Variants in TMC7 observed in about 807,000 individuals in gnomAD.
TMC7 encodes the protein transmembrane channel-like protein 7.
In TMC7, 54 loss-of-function variants were observed where a neutral mutation model predicts 82.9. The observed-to-expected ratio is 0.65, with a 90% CI of 0.52 to 0.82. TMC7 has a LOEUF of 0.82. Ranked by LOEUF, TMC7 falls within the 40% of genes least tolerant of loss-of-function variation. TMC7 has a pLI of 0.00. For synonymous variants in TMC7, 350 were observed against 337.9 expected, an observed-to-expected ratio of 1.04 and a Z score of -0.39; for missense variants, 820 against 901.2, an observed-to-expected ratio of 0.91 and a Z score of 1.15.
chr16:19,000,645 G>A (rs1384332919), intron 1 of TMC7, among the ~76,000 whole-genome samples: 6 of 152,220 alleles, frequency 3.9e-5, no homozygotes, highest in African/African-American at 1.4e-4. Context: ...GCTGGTTTGT[G>A]TAGAGTACCT....
intron 1 of TMC7, among the ~76,000 whole-genome samples, chr16:18,995,582 A>G (rs967710733): frequency 2.0e-5 from 3 of 152,214 alleles, no homozygotes; most frequent in Non-Finnish European, 4.4e-5. Flanking sequence ...CCAGATTTCC[A>G]GCACTTAGAG....
chr16:19,037,015 A>G (rs1468019414), intron 7 of TMC7, among the ~76,000 whole-genome samples: 2 of 152,226 alleles, frequency 1.3e-5, no homozygotes, highest in Non-Finnish European at 2.9e-5. Context: ...AATAGTTTAT[A>G]GTTCTGTTTT....
chr16:19,032,171 G>A (rs1960547956), intron 6 of TMC7, among the ~76,000 whole-genome samples: 1 of 152,184 alleles, frequency 6.6e-6, no homozygotes, highest in Non-Finnish European at 1.5e-5. Context: ...TGTAAGCCAT[G>A]GAGCTGTGAA....
chr16:19,061,202 G>A (rs1490975671), intron 15 of TMC7, among the ~76,000 whole-genome samples: 1 of 151,952 alleles, frequency 6.6e-6, no homozygotes, highest in Non-Finnish European at 1.5e-5. Context: ...ACGGGGTTTC[G>A]GGGTTTCACC....
intron 1 of TMC7, among the ~76,000 whole-genome samples, chr16:19,001,432 G>A (rs544726790): frequency 3.9e-5 from 6 of 152,278 alleles, no homozygotes; most frequent in African/African-American, 1.2e-4. Context: ...TATAGTCCCA[G>A]CACTTTGGGA....
Position 19,061,600 on chromosome 16 carries a change from TA to T in TMC7, c.2107-171del, listed in dbSNP as rs542922295. Among the ~76,000 whole-genome samples, 10 of 152,292 alleles carry T rather than the reference TA, an allele frequency of 6.6e-5. No homozygotes were observed. The South Asian group carries it at 2.1e-3, about 32-fold the overall frequency. The stretch of plus-strand genomic sequence containing the variant: ...GTGTCCAGCTGTACTGTGCATTTTT[TA>T]AAAAAAGGATCGGCTGCTTTGTGGA... On this transcript the variant is annotated intron_variant, in intron 15 of 15. Coordinates refer to ENST00000304381, the MANE Select transcript of TMC7 (RefSeq NM_024847.4).
In TMC7 at chr16:19,026,953, G is replaced by C. The variant is rs1432270048; in HGVS notation, c.712-3271G>C. ...ATTTTTGTATTTTTAGTAGAGACAGGGTTTCACCATGTTGGCCAGGCTGGT... is the reference window on the plus strand; with the variant it reads ...ATTTTTGTATTTTTAGTAGAGACAGCGTTTCACCATGTTGGCCAGGCTGGT... On this transcript the variant is annotated intron_variant, in intron 5 of 15. Transcript: ENST00000304381. 5.3e-5 allele frequency among the ~76,000 whole-genome samples: 8 copies of C among 150,028 alleles called. No homozygotes were observed. In the South Asian group the frequency reaches 1.1e-3, roughly 20 times the overall value.
Position 19,063,764 on chromosome 16 carries a change from TTAATA to T in TMC7, c.*1924_*1928del. 1 of 152,150 alleles carries T rather than the reference TTAATA, an allele frequency of 6.6e-6. No individual in the cohort carries two copies. The highest frequency in any genetic ancestry group is 2.4e-5 in the African/African-American group (1 of 41,522). 9.4% of individuals were successfully genotyped at this position (152,150 alleles called of 1,614,324 possible). A position where few individuals can be genotyped will look rare whatever the true frequency, so the allele number is the denominator to read the frequency against. ...TAAAAGTGATACTGAAATATGCTAATTAATATATTAATTTTAGTTAAATGCTGCTA... is the reference window on the plus strand; with the variant it reads ...TAAAAGTGATACTGAAATATGCTAATTATTAATTTTAGTTAAATGCTGCTA... On this transcript the variant is annotated 3_prime_UTR_variant, in exon 16 of 16. Coordinates refer to ENST00000304381, the MANE Select transcript of TMC7 (RefSeq NM_024847.4).
At chr16:18,988,944 G>A (rs1201501655) in intron 1 of TMC7, among the ~76,000 whole-genome samples, 15 of 151,978 alleles carry the variant, frequency 9.9e-5, no homozygotes, top group South Asian at 2.1e-4. Context: ...CAGCTACTTG[G>A]GAAGCTGAGG....
chr16:19,041,242 T>C (rs978916514), intron 9 of TMC7, among the ~76,000 whole-genome samples: 1 of 152,034 alleles, frequency 6.6e-6, no homozygotes, highest in Non-Finnish European at 1.5e-5. Context: ...CCCATATGCC[T>C]TTCACTTACA....
intron 1 of TMC7, among the ~76,000 whole-genome samples, chr16:18,999,320 A>G (rs934474693): frequency 2.6e-5 from 4 of 152,214 alleles, no homozygotes; most frequent in African/African-American, 9.6e-5. Context: ...CAATTGCTTA[A>G]TAGTCCCATG....
At position 19,016,565 on chromosome 16, in the gene TMC7, G is replaced by C. The variant is rs767095378; in HGVS notation, c.427G>C (p.Glu143Gln). Reference protein sequence around the residue: ...EKAREMTTHLELWREDIRSIE... With the variant: ...EKAREMTTHLQLWREDIRSIE... Reference sequence around the variant, plus strand: ...GGCTCGAGAGATGACGACCCACCTGGAGCTGTGGCGGGAGGACATCCGCAG... The same window carrying C: ...GGCTCGAGAGATGACGACCCACCTGCAGCTGTGGCGGGAGGACATCCGCAG... The change falls in exon 3 of 16, where the codon GAG becomes CAG. Residue 143 changes from glutamate to glutamine, a missense_variant. Transcript: ENST00000304381. 9.9e-6 allele frequency: 16 copies of C among 1,614,024 alleles called. No homozygotes were observed. Among genetic ancestry groups the C allele is most frequent in the Non-Finnish European group, 1.4e-5 (16 of 1,180,026 alleles).
At chr16:19,010,155 T>TCC (rs2039316653) in intron 2 of TMC7, among the ~76,000 whole-genome samples, 5 of 42,764 alleles carry the variant, frequency 1.2e-4, no homozygotes, top group Admixed American at 3.4e-4. Flanking sequence ...TCCCCTCCCC[T>TCC]CCTCTCCTCT....
chr16:19,020,673 G>T (rs937488706), intron 3 of TMC7, among the ~76,000 whole-genome samples: 2 of 151,962 alleles, frequency 1.3e-5, no homozygotes, highest in African/African-American at 4.8e-5. Context: ...TTCGAGACCA[G>T]CTTGGCCAAC....
In TMC7 at chr16:19,021,730, C is replaced by G; in HGVS notation, c.562C>G (p.Pro188Ala). 1.2e-5 allele frequency: 19 copies of G among 1,614,034 alleles called. No individual in the cohort carries two copies. The highest frequency in any genetic ancestry group is 1.5e-5 in the Non-Finnish European group (18 of 1,179,994). Residue 188 changes from proline (P) to alanine (A), a missense_variant, in exon 4 of 16, where the codon CCA becomes GCA. Around this residue, in one of 2 missense-constraint regions of TMC7, gnomAD observed 650 missense variants for 669.9 expected, o/e 0.97. Transcript: ENST00000304381. ...FLIIFMLVLL[P>A]VLLTKYKITN... is the part of the protein sequence containing the mutation. ...GATCATCTTTATGCTGGTTTTGCTC[C>G]CAGTCTTACTCACGAAATACAAGAT...
chr16:18,984,249 G>T, intron 1 of TMC7, 119 bp downstream of exon 1: 1 of 1,342,276 alleles, frequency 7.5e-7, no homozygotes. Context: ...GACGCCGGGT[G>T]CTCCCGGCTC....
chr16:19,003,664 A>G (rs1416308042), intron 1 of TMC7, among the ~76,000 whole-genome samples: 2 of 127,504 alleles, frequency 1.6e-5, no homozygotes, highest in Admixed American at 8.3e-5. Flanking sequence ...GACATGGGAG[A>G]CTTTTCATTT....
intron 13 of TMC7, among the ~76,000 whole-genome samples, chr16:19,055,492 G>T (rs1961728679): frequency 6.6e-6 from 1 of 152,096 alleles, no homozygotes; most frequent in African/African-American, 2.4e-5. Context: ...CGAGTAGCTG[G>T]GATTGCAGGC....
rs186061172 is a variant in TMC7, at chr16:19,051,947, T to C, written c.1871+131T>C. ...TCTTGCTCTGTCACCCAGGCTGGAG[T>C]GTGGTGGCGCAGTCTTGGCTCACTG... On this transcript the variant is annotated intron_variant, in intron 13 of 15. Transcript: ENST00000304381. 1.4e-4 allele frequency: 177 copies of C among 1,264,454 alleles called. No homozygotes were observed. In the East Asian group the frequency reaches 3.7e-3, roughly 27 times the overall value. The allele number at this position is 1,264,454 out of a possible 1,614,324, so 78.3% of individuals were successfully genotyped here.
Sources: allele counts gnomAD v4.1 joint callset (sites outside exome capture counted in the v4.1 genomes callset), GRCh38; gene constraint gnomAD v4.1.1; regional missense constraint gnomAD v4.1.1; transcripts MANE v1.5; gene names NCBI Gene and HGNC (gene_info 2026-07-23, HGNC 2026-07-21).